FAM178B: variants seen among roughly 807,000 people sequenced by gnomAD.
FAM178B encodes the protein protein FAM178B.
In FAM178B, 82 loss-of-function variants were observed where a neutral mutation model predicts 91.7. The observed-to-expected ratio is 0.89, with a 90% CI of 0.75 to 1.07. The LOEUF is 1.07. Ranked by LOEUF, FAM178B falls within the 50% of genes least tolerant of loss-of-function variation. The pLI, the probability that FAM178B is intolerant of heterozygous loss-of-function variation, is 0.00. For synonymous variants in FAM178B, 368 were observed against 359.4 expected, an observed-to-expected ratio of 1.02 and a Z score of -0.27; for missense variants, 769 against 846.7, an observed-to-expected ratio of 0.91 and a Z score of 1.14.
chr2:96,971,351 G>C (rs1330741601), intron 3 of FAM178B, among the ~76,000 whole-genome samples: 2 of 145,942 alleles, frequency 1.4e-5, no homozygotes, highest in East Asian at 4.0e-4. Flanking sequence ...CTGTCTGTCT[G>C]TCTGTCTGTC....
In FAM178B at chr2:96,893,941, G is replaced by T; in HGVS notation, c.1761C>A (p.Ala587=). 1 of 1,612,480 alleles carries T rather than the reference G, an allele frequency of 6.2e-7. No homozygotes were observed. The highest frequency in any genetic ancestry group is 2.2e-5 in the East Asian group (1 of 44,844). ...GCTCACTCACCTTGTGGTCTAGCTC[G>T]GCACTAGCCTTTGGCTGTTGCTCCT... ...PCQEQQPKAS[A]ELDHKACYLC... The change falls in exon 14 of 17, where the codon GCC becomes GCA. Residue 587 remains alanine (A), a synonymous_variant. Transcript: ENST00000490605.
intron 8 of FAM178B, 111 bp downstream of exon 8, chr2:96,947,707 G>T: frequency 1.6e-6 from 1 of 642,410 alleles, no homozygotes; most frequent in Non-Finnish European, 2.8e-6. Context: ...CACCCTGGAT[G>T]CAATGTCCCA....
intron 12 of FAM178B, among the ~76,000 whole-genome samples, chr2:96,906,212 T>A (rs1489833122): frequency 6.7e-6 from 1 of 149,222 alleles, no homozygotes; most frequent in Non-Finnish European, 1.5e-5. Context: ...TTCTTTTTTT[T>A]TTTTTTTGAG....
At chr2:96,961,795 A>C (rs141326989) in intron 5 of FAM178B, among the ~76,000 whole-genome samples, 18 of 152,242 alleles carry the variant, frequency 1.2e-4, no homozygotes, top group Non-Finnish European at 2.4e-4. Context: ...AAGTGACCCA[A>C]GGTACGGCCC....
intron 16 of FAM178B, among the ~76,000 whole-genome samples, chr2:96,877,589 A>G (rs1403920187): frequency 3.9e-5 from 6 of 152,144 alleles, no homozygotes; most frequent in African/African-American, 1.4e-4. Flanking sequence ...TCTTTGGTAG[A>G]GACGGGTTTC....
intron 12 of FAM178B, among the ~76,000 whole-genome samples, chr2:96,912,443 G>A (rs1283039570): frequency 6.6e-6 from 1 of 152,014 alleles, no homozygotes; most frequent in East Asian, 1.9e-4. Context: ...ACCAAGACTC[G>A]AGGGCTGGTG....
rs550777963 is a variant in FAM178B, at chr2:96,876,194, G to C, written c.*82C>G. 1.3e-5 allele frequency: 19 copies of C among 1,457,508 alleles called. No homozygotes were observed. The highest frequency in any genetic ancestry group is 1.7e-5 in the Non-Finnish European group (18 of 1,058,658). 90.3% of individuals were successfully genotyped at this position (1,457,508 alleles called of 1,614,324 possible). On this transcript the variant is annotated 3_prime_UTR_variant, in exon 17 of 17. Transcript: ENST00000490605. ...TCAGCATGTGGCCTCCTCTGGCCTT[G>C]ATGCTTCGCTTCCTCCAGTTCCCTG... is the stretch of plus-strand genomic sequence containing the variant.
intron 14 of FAM178B, among the ~76,000 whole-genome samples, chr2:96,887,043 T>C (rs2080542046): frequency 1.3e-5 from 2 of 151,904 alleles, no homozygotes; most frequent in East Asian, 3.9e-4. Context: ...TGAAACCCCA[T>C]CTCTACTAAA....
At chr2:96,926,299 T>C (rs1354554329) in intron 9 of FAM178B, among the ~76,000 whole-genome samples, 2 of 151,464 alleles carry the variant, frequency 1.3e-5, no homozygotes, top group African/African-American at 2.4e-5. Context: ...TGAAACTCTG[T>C]CTCAAAAAAA....
Position 96,972,167 on chromosome 2 carries a change from G to A in FAM178B, c.298C>T (p.Gln100Ter). 1 of 1,546,152 alleles carries A rather than the reference G, an allele frequency of 6.5e-7. No individual in the cohort carries two copies. The highest frequency in any genetic ancestry group is 8.7e-7 in the Non-Finnish European group (1 of 1,144,624). Residue 100 changes from glutamine to a stop codon, truncating the protein, a stop_gained, in exon 3 of 17, where the codon CAG becomes TAG. Coordinates refer to ENST00000490605, the MANE Select transcript of FAM178B (RefSeq NM_001122646.3). LOFTEE classifies it high-confidence loss of function. ...APTSPKKPKI[Q>*]APGETFPTDW... ...GTGGGAAACGTTTCCCCAGGTGCCTGTATCTTGGGCTTCTTTGGCGATGTG... is the reference window on the plus strand; with the variant it reads ...GTGGGAAACGTTTCCCCAGGTGCCTATATCTTGGGCTTCTTTGGCGATGTG...
intron 5 of FAM178B, among the ~76,000 whole-genome samples, chr2:96,963,166 T>A (rs2082104563): frequency 6.6e-6 from 1 of 152,138 alleles, no homozygotes; most frequent in African/African-American, 2.4e-5. Context: ...TTTCAAAACA[T>A]CCAAGCCATG....
At chr2:96,932,173 CCCCACCCCAG>C (rs1337233181) in intron 8 of FAM178B, among the ~76,000 whole-genome samples, 4 of 152,144 alleles carry the variant, frequency 2.6e-5, no homozygotes, top group African/African-American at 9.7e-5. Flanking sequence ...CCCTTGAGAT[CCCCACCCCAG>C]CCCACACAGA....
chr2:96,973,223 A>G lies in FAM178B; in HGVS notation c.74-617T>C, dbSNP rs565929442. Among the ~76,000 whole-genome samples the G allele has an allele frequency of 3.3e-5, 5 of 151,146 alleles. No individual in the cohort carries two copies. In the South Asian group the frequency reaches 8.4e-4, roughly 25 times the overall value. ...CTCCATTTCAAAAAAAAAAAAAACC[A>G]AAACCAAAACAAAACCAGCACAGCT... is the stretch of plus-strand genomic sequence containing the variant. On this transcript the variant is annotated intron_variant, in intron 1 of 16. Coordinates refer to ENST00000490605, the MANE Select transcript of FAM178B (RefSeq NM_001122646.3).
chr2:96,957,655 G>A (rs375958319), intron 6 of FAM178B, among the ~76,000 whole-genome samples: 34 of 152,316 alleles, frequency 2.2e-4, no homozygotes, highest in East Asian at 1.2e-3. Flanking sequence ...AAACTCCAAG[G>A]CTGAAGCAGC....
intron 1 of FAM178B, among the ~76,000 whole-genome samples, chr2:96,976,792 G>A (rs1433131556): frequency 1.3e-5 from 2 of 152,036 alleles, no homozygotes; most frequent in Non-Finnish European, 2.9e-5. Flanking sequence ...AGGTTGTAGT[G>A]AGCTAAGATC....
chr2:96,926,916 A>G (rs534210815), intron 9 of FAM178B, among the ~76,000 whole-genome samples: 1 of 152,340 alleles, frequency 6.6e-6, no homozygotes, highest in African/African-American at 2.4e-5. Flanking sequence ...CACTGTGGGT[A>G]GCCCAGGAGA....
Position 96,951,391 on chromosome 2 carries a change from C to T in FAM178B, c.981G>A (p.Gln327=), listed in dbSNP as rs1253061560. The change falls in exon 7 of 17, where the codon CAG becomes CAA. Residue 327 remains glutamine (Q), a synonymous_variant. Coordinates refer to ENST00000490605, the MANE Select transcript of FAM178B (RefSeq NM_001122646.3). The part of the protein sequence containing the change: ...HMPDCPVSLL[Q]WLFQLLTWPP... ...CTGCGGTCCTCACCTGGAACAGCCA[C>T]TGGAGCAGGGATACCGGGCAGTCAG... is the stretch of plus-strand genomic sequence containing the variant. 1 of 1,551,218 alleles carries T rather than the reference C, an allele frequency of 6.4e-7. No homozygotes were observed. Among genetic ancestry groups the T allele is most frequent in the South Asian group, 1.2e-5 (1 of 84,050 alleles).
At chr2:96,980,567 C>T (rs1574329626) in intron 1 of FAM178B, among the ~76,000 whole-genome samples, 1 of 151,626 alleles carries the variant, frequency 6.6e-6, no homozygotes, top group Non-Finnish European at 1.5e-5. Context: ...AATGCCCAGG[C>T]AATTTTTTAT....
rs1210926161 is a variant in FAM178B at position 96,980,678 on chromosome 2, C to T, written c.73+5563G>A. ...CTGGCCTCCGAAAGTGCTGGAACTACAGGCATGAGCAACCGAGCCAGCCTC... is the reference window on the plus strand; with the variant it reads ...CTGGCCTCCGAAAGTGCTGGAACTATAGGCATGAGCAACCGAGCCAGCCTC... On this transcript the variant is annotated intron_variant, in intron 1 of 16. Coordinates refer to ENST00000490605, the MANE Select transcript of FAM178B (RefSeq NM_001122646.3). Among the ~76,000 whole-genome samples the T allele has an allele frequency of 2.0e-5, 3 of 152,344 alleles. No homozygotes were observed. The South Asian group carries it at 6.2e-4, about 32-fold the overall frequency.
Sources: allele counts gnomAD v4.1 joint callset (sites outside exome capture counted in the v4.1 genomes callset), GRCh38; gene constraint gnomAD v4.1.1; transcripts MANE v1.5; gene names NCBI Gene and HGNC (gene_info 2026-07-23, HGNC 2026-07-21).